The following RICTOR variants were observed in gnomAD, a reference collection of about 807,000 sequenced individuals.
RICTOR encodes the protein RPTOR independent companion of MTOR complex 2.
In RICTOR, 49 loss-of-function variants were observed where a neutral mutation model predicts 214.9. The observed-to-expected ratio is 0.23, with a 90% CI of 0.18 to 0.29. The LOEUF (loss-of-function observed/expected upper bound fraction) is 0.29. RICTOR is among the 10% of genes least tolerant of loss of function. The probability of loss-of-function intolerance (pLI) is 1.00; values close to 1 mark genes in which losing one functional copy is unlikely to be tolerated. For synonymous variants in RICTOR, 717 were observed against 711.3 expected (o/e 1.01, Z -0.13); for missense variants, 1,625 against 2,047.0 (o/e 0.79, Z 3.98).
At chr5:38,960,595 C>G in intron 19 of RICTOR, 62 bp from the exon 20 acceptor site, 1 of 1,526,544 alleles carries the variant, frequency 6.6e-7, no homozygotes, top group Non-Finnish European at 9.0e-7. Flanking sequence ...AGAATCTTAA[C>G]CATTACTTAT....
chr5:39,042,125 C>A (rs759684263), intron 2 of RICTOR, among the ~76,000 whole-genome samples: 3 of 151,928 alleles, frequency 2.0e-5, no homozygotes, highest in Non-Finnish European at 2.9e-5. Context: ...TAGGAAGTAC[C>A]CCAGTGATTC....
chr5:38,970,603 T>C (rs1047916051), intron 11 of RICTOR: 1 of 152,228 alleles, frequency 6.6e-6, no homozygotes, highest in Admixed American at 6.5e-5. Context: ...TAATATTTTC[T>C]AATAATATTT....
chr5:38,998,714 T>G (rs1273511100), intron 5 of RICTOR, among the ~76,000 whole-genome samples: 1 of 152,052 alleles, frequency 6.6e-6, no homozygotes, highest in Non-Finnish European at 1.5e-5. Flanking sequence ...ACCTGAAATC[T>G]TTAAATAAAA....
chr5:38,951,796 T>C (rs944507845), intron 30 of RICTOR, among the ~76,000 whole-genome samples: 2 of 152,020 alleles, frequency 1.3e-5, no homozygotes, highest in Admixed American at 6.6e-5. Context: ...AAAATGAAGA[T>C]GTGAATATAA....
chr5:39,022,438 C>A, intron 2 of RICTOR: 1 of 156,980 alleles, frequency 6.4e-6, no homozygotes, highest in South Asian at 1.8e-4. Context: ...CAGGTGCTGC[C>A]AGCGGTGTTT....
At position 38,990,665 on chromosome 5, in the gene RICTOR, A is replaced by AGATATATCATATATCT. The variant is rs1561501921; in HGVS notation, c.583+283_583+284insAGATATATGATATATC. Among the ~76,000 whole-genome samples the AGATATATCATATATCT allele has an allele frequency of 2.6e-3, 23 of 8,772 alleles. 1 individual carries two copies. The highest frequency in any genetic ancestry group is 4.7e-3 in the African/African-American group (23 of 4,936). The allele number at this position is 8,772 out of a possible 152,430, so 5.8% of individuals were successfully genotyped here. A position where few individuals can be genotyped will look rare whatever the true frequency, so the allele number is the denominator to read the frequency against. On this transcript the variant is annotated intron_variant, in intron 7 of 37. Transcript: ENST00000357387. ...ATATATCAGATATATGATATATATC[A>AGATATATCATATATCT]GATATATATCAGATATATCATATAT...
chr5:38,969,183 G>A (rs1750511146), intron 11 of RICTOR, among the ~76,000 whole-genome samples: 1 of 151,820 alleles, frequency 6.6e-6, no homozygotes, highest in Non-Finnish European at 1.5e-5. Context: ...TGTTGGCCAG[G>A]CTGGTCTCGA....
In RICTOR at chr5:38,947,364, C is replaced by G. The variant is rs1748324850; in HGVS notation, c.4214G>C (p.Arg1405Pro). Reference sequence around the variant, plus strand: ...CACCATGGACCGCACTGAGGAAGATCGTTGCAGGGTATTTTGATTAATAGG... The same window carrying G: ...CACCATGGACCGCACTGAGGAAGATGGTTGCAGGGTATTTTGATTAATAGG... ...LSPINQNTLQ[R>P]SSSVRSMVSS... Residue 1405 changes from arginine to proline, a missense_variant, in exon 32 of 38, where the codon CGA becomes CCA. By Grantham distance (103) the Arg-to-Pro change is moderately radical. Coordinates refer to ENST00000357387, the MANE Select transcript of RICTOR (RefSeq NM_152756.5). 6.2e-7 allele frequency: 1 copy of G among 1,611,810 alleles called. No homozygotes were observed. Among genetic ancestry groups the G allele is most frequent in the African/African-American group, 1.3e-5 (1 of 74,806 alleles).
intron 5 of RICTOR, among the ~76,000 whole-genome samples, chr5:39,002,090 A>G (rs571107535): frequency 9.9e-5 from 15 of 151,912 alleles, no homozygotes; most frequent in African/African-American, 3.6e-4. Flanking sequence ...CCAAATAGTC[A>G]AACACTGAAA....
At chr5:38,992,034 CAATT>C (rs1561505804) in intron 6 of RICTOR, among the ~76,000 whole-genome samples, 1 of 151,976 alleles carries the variant, frequency 6.6e-6, no homozygotes, top group East Asian at 1.9e-4. Flanking sequence ...GAAAGACACA[CAATT>C]AAGTCTTACA....
At chr5:38,947,869 GATCA>G (rs982468852) in intron 31 of RICTOR, among the ~76,000 whole-genome samples, 6 of 152,112 alleles carry the variant, frequency 3.9e-5, no homozygotes, top group East Asian at 3.9e-4. Context: ...TAAAAAATGA[GATCA>G]ATTACATATC....
At chr5:39,064,846 G>T (rs1271427721) in intron 2 of RICTOR, among the ~76,000 whole-genome samples, 2 of 152,216 alleles carry the variant, frequency 1.3e-5, no homozygotes, top group Non-Finnish European at 2.9e-5. Flanking sequence ...GGTCTGTAGT[G>T]ATATGTGAGA....
chr5:38,947,453 T>C lies in RICTOR; in HGVS notation c.4137-12A>G, dbSNP rs772458810. The C allele has an allele frequency of 4.4e-6, 7 of 1,576,204 alleles. No individual in the cohort carries two copies. The highest frequency in any genetic ancestry group is 1.4e-5 in the African/African-American group (1 of 73,552). The stretch of plus-strand genomic sequence containing the variant: ...AGGCTTTCATGAACCTATAAAACCA[T>C]AAAGAAACCACTTGCATTAGTTTCT... On this transcript the variant is annotated splice_polypyrimidine_tract_variant and intron_variant, in intron 31 of 37. Transcript: ENST00000357387.
In RICTOR at chr5:38,952,292, G is replaced by A. The variant is rs1748860429; in HGVS notation, c.3031C>T (p.Leu1011Phe). Reference sequence around the variant, plus strand: ...GGGATAGATGAAAGTTCATTACAGAGTTGTTCCACATCATCTGGAACCACT... The same window carrying A: ...GGGATAGATGAAAGTTCATTACAGAATTGTTCCACATCATCTGGAACCACT... ...WPVVPDDVEQLCNELSSIPST... is the reference protein window; with the variant it reads ...WPVVPDDVEQFCNELSSIPST... The change falls in exon 30 of 38, where the codon CTC becomes TTC. Residue 1011 changes from leucine to phenylalanine, a missense_variant. Coordinates refer to ENST00000357387, the MANE Select transcript of RICTOR (RefSeq NM_152756.5). The A allele has an allele frequency of 4.3e-6, 7 of 1,612,896 alleles. No homozygotes were observed. The highest frequency in any genetic ancestry group is 5.9e-6 in the Non-Finnish European group (7 of 1,179,174).
chr5:38,982,835 T>C (rs1264042051), intron 7 of RICTOR, among the ~76,000 whole-genome samples: 2 of 151,844 alleles, frequency 1.3e-5, no homozygotes, highest in Admixed American at 6.6e-5. Flanking sequence ...TAACAGTTTA[T>C]ACATACATAT....
rs140654787 is a variant in RICTOR, at chr5:38,955,495, T to C, written c.2609+100A>G. ...GAGCAATTAATGCTGCGCATTAAGA[T>C]TCTTCCTATATCATGTTAGAAGCAG... On this transcript the variant is annotated intron_variant, in intron 26 of 37. Coordinates refer to ENST00000357387, the MANE Select transcript of RICTOR (RefSeq NM_152756.5). The C allele has an allele frequency of 5.0e-4, 352 of 709,158 alleles. 4 individuals carry two copies. The East Asian group carries it at 9.0e-3, about 18-fold the overall frequency. The allele number at this position is 709,158 out of a possible 1,614,324, so 43.9% of individuals were successfully genotyped here. A position where few individuals can be genotyped will look rare whatever the true frequency, so the allele number is the denominator to read the frequency against.
intron 2 of RICTOR, among the ~76,000 whole-genome samples, chr5:39,024,846 T>G (rs1168172497): frequency 6.6e-6 from 1 of 152,202 alleles, no homozygotes; most frequent in Non-Finnish European, 1.5e-5. Context: ...AAAACCACAA[T>G]CTTGTTACAA....
At chr5:39,057,286 T>C (rs1013536427) in intron 2 of RICTOR, among the ~76,000 whole-genome samples, 4 of 152,150 alleles carry the variant, frequency 2.6e-5, no homozygotes, top group African/African-American at 9.7e-5. Flanking sequence ...ACATCAATGG[T>C]TCCATTGATG....
At chr5:39,061,167 T>G (rs1404434610) in intron 2 of RICTOR, among the ~76,000 whole-genome samples, 4 of 152,090 alleles carry the variant, frequency 2.6e-5, no homozygotes, top group African/African-American at 7.2e-5. Flanking sequence ...GAGTGGCCTG[T>G]GTATAAGAAG....
Sources: allele counts gnomAD v4.1 joint callset (sites outside exome capture counted in the v4.1 genomes callset), GRCh38; gene constraint gnomAD v4.1.1; transcripts MANE v1.5; gene names NCBI Gene and HGNC (gene_info 2026-07-23, HGNC 2026-07-21).